Variants in CORIN observed in about 807,000 individuals in gnomAD.
The protein encoded by CORIN is atrial natriuretic peptide-converting enzyme.
In CORIN, 117 loss-of-function variants were observed where a neutral mutation model predicts 125.3. The observed-to-expected ratio is 0.93, with a 90% CI of 0.80 to 1.09. The LOEUF (loss-of-function observed/expected upper bound fraction) is 1.09. Ranked by LOEUF, CORIN falls within the 50% of genes least tolerant of loss-of-function variation. The probability of loss-of-function intolerance (pLI) is 0.00; values close to 1 mark genes in which losing one functional copy is unlikely to be tolerated. For synonymous variants in CORIN, 450 were observed against 466.4 expected (o/e 0.96, Z 0.45); for missense variants, 1,253 against 1,306.7 (o/e 0.96, Z 0.63).
chr4:47,606,084 C>G (rs553421352), intron 19 of CORIN, among the ~76,000 whole-genome samples: 5 of 152,214 alleles, frequency 3.3e-5, no homozygotes, highest in African/African-American at 1.2e-4. Context: ...GCAATTTTCT[C>G]TATGCCAAGC....
chr4:47,815,682 T>C lies in CORIN; in HGVS notation c.64-8635A>G, dbSNP rs181638858. On this transcript the variant is annotated intron_variant, in intron 1 of 21. Transcript: ENST00000273857. ...ATACAATATCAGAACTCTTTCTGCA[T>C]ATATTGGAGAGTCTTAAAGGTCAGT... 3.4e-4 allele frequency among the ~76,000 whole-genome samples: 52 copies of C among 152,294 alleles called. No individual in the cohort carries two copies. The East Asian group carries it at 7.7e-3, about 23-fold the overall frequency.
chr4:47,786,898 G>T lies in CORIN; in HGVS notation c.236C>A (p.Ser79Ter). ...VGTLQKVYFK[S>*]NGSEPLVTDG... is the part of the protein sequence containing the mutation. ...AGTGACCAAAGGTTCACTCCCATTTGATTTAAAATAGACCTTTTGTAATGT... is the reference window on the plus strand; with the variant it reads ...AGTGACCAAAGGTTCACTCCCATTTTATTTAAAATAGACCTTTTGTAATGT... Residue 79 changes from serine to a stop codon, truncating the protein, a stop_gained, in exon 3 of 22, where the codon TCA becomes TAA. Transcript: ENST00000273857. LOFTEE classifies it high-confidence loss of function. The T allele has an allele frequency of 6.2e-7, 1 of 1,612,932 alleles. No individual in the cohort carries two copies. Among genetic ancestry groups the T allele is most frequent in the South Asian group, 1.1e-5 (1 of 91,010 alleles).
At chr4:47,815,183 T>G (rs931924117) in intron 1 of CORIN, among the ~76,000 whole-genome samples, 8 of 152,128 alleles carry the variant, frequency 5.3e-5, no homozygotes, top group African/African-American at 1.9e-4. Context: ...TATCTCCGTA[T>G]CTGCAAATAA....
intron 4 of CORIN, among the ~76,000 whole-genome samples, chr4:47,755,436 T>C (rs78911825): frequency 0.017 from 2,601 of 152,300 alleles, 38 homozygotes; most frequent in East Asian, 0.062. Flanking sequence ...TTCTCATCAG[T>C]ATCCTCTACA....
chr4:47,783,046 C>A (rs968025617), intron 3 of CORIN, among the ~76,000 whole-genome samples: 12 of 151,990 alleles, frequency 7.9e-5, no homozygotes, highest in African/African-American at 2.9e-4. Context: ...AAGCTTTCAG[C>A]ACATCAATTT....
In CORIN at chr4:47,642,064, GA is replaced by G; in HGVS notation, c.2069-16del. 1 of 1,610,334 alleles carries G rather than the reference GA, an allele frequency of 6.2e-7. No homozygotes were observed. Among genetic ancestry groups the G allele is most frequent in the Non-Finnish European group, 8.5e-7 (1 of 1,178,474 alleles). ...AGAGAGGGTCACTAGGGAAAGAAAA[GA>G]CAAGGGAAACCCTAATTAAAAACAT... On this transcript the variant is annotated splice_polypyrimidine_tract_variant and intron_variant, in intron 15 of 21. Coordinates refer to ENST00000273857, the MANE Select transcript of CORIN (RefSeq NM_006587.4).
intron 5 of CORIN, among the ~76,000 whole-genome samples, chr4:47,696,201 A>G (rs911057715): frequency 1.3e-5 from 2 of 152,204 alleles, no homozygotes; most frequent in African/African-American, 4.8e-5. Flanking sequence ...TCTACCATAA[A>G]TATCACTGTC....
At chr4:47,772,900 G>A (rs1241357252) in intron 3 of CORIN, among the ~76,000 whole-genome samples, 1 of 151,800 alleles carries the variant, frequency 6.6e-6, no homozygotes, top group Non-Finnish European at 1.5e-5. Context: ...TTTTTCTTCT[G>A]GATTCTATAA....
rs755718383 is a variant in CORIN, at chr4:47,664,985, T to C, written c.1589+47A>G. ...CTCAACTAAGTCTTCACCCCTTGGTTCTCTCTGAGGCAAAATAAGGGACTG... is the reference window on the plus strand; with the variant it reads ...CTCAACTAAGTCTTCACCCCTTGGTCCTCTCTGAGGCAAAATAAGGGACTG... On this transcript the variant is annotated intron_variant, in intron 11 of 21. Transcript: ENST00000273857. The C allele has an allele frequency of 2.1e-4, 284 of 1,355,692 alleles. 1 individual carries two copies. The highest frequency in any genetic ancestry group is 1.3e-5 in the Non-Finnish European group (12 of 955,960). 84.0% of individuals were successfully genotyped at this position (1,355,692 alleles called of 1,614,324 possible).
At chr4:47,665,907 G>A (rs1560496180) in intron 10 of CORIN, among the ~76,000 whole-genome samples, 1 of 152,182 alleles carries the variant, frequency 6.6e-6, no homozygotes, top group East Asian at 1.9e-4. Flanking sequence ...TATCTCTGCT[G>A]TAATAAATTC....
chr4:47,639,585 C>T (rs910851278), intron 16 of CORIN, among the ~76,000 whole-genome samples: 11 of 152,218 alleles, frequency 7.2e-5, no homozygotes, highest in Non-Finnish European at 1.5e-4. Context: ...CTGGCATAAA[C>T]TCCACTCCAG....
At chr4:47,795,852 A>G (rs368901618) in intron 2 of CORIN, among the ~76,000 whole-genome samples, 42 of 152,254 alleles carry the variant, frequency 2.8e-4, no homozygotes, top group African/African-American at 9.9e-4. Context: ...GTAGCCAGTA[A>G]GTATATGAGA....
chr4:47,751,598 A>C (rs1159816383), intron 4 of CORIN, among the ~76,000 whole-genome samples: 1 of 152,122 alleles, frequency 6.6e-6, no homozygotes, highest in Admixed American at 6.6e-5. Flanking sequence ...CTCCAAAATT[A>C]ATTTCAGCAG....
chr4:47,736,382 A>G (rs1442308331), intron 5 of CORIN, among the ~76,000 whole-genome samples: 1 of 152,220 alleles, frequency 6.6e-6, no homozygotes. Flanking sequence ...CAGATAAAAC[A>G]CAAGAAACAT....
intron 2 of CORIN, 27 bp downstream of exon 2, chr4:47,806,876 T>C (rs1291063531): frequency 6.3e-7 from 1 of 1,588,706 alleles, no homozygotes; most frequent in Non-Finnish European, 8.5e-7. Flanking sequence ...TTTAACTTCA[T>C]TTTTATTTAA....
At chr4:47,806,578 T>C (rs1731806440) in intron 2 of CORIN, among the ~76,000 whole-genome samples, 1 of 152,214 alleles carries the variant, frequency 6.6e-6, no homozygotes, top group South Asian at 2.1e-4. Flanking sequence ...CCTTGTGTGA[T>C]AATCATCACT....
chr4:47,617,117 C>CAA (rs781129769), intron 19 of CORIN, among the ~76,000 whole-genome samples: 1 of 152,050 alleles, frequency 6.6e-6, no homozygotes, highest in Non-Finnish European at 1.5e-5. Flanking sequence ...TAAAGGATGA[C>CAA]AAAGATTTGG....
At chr4:47,654,047 C>T (rs1171032680) in intron 12 of CORIN, among the ~76,000 whole-genome samples, 1 of 152,170 alleles carries the variant, frequency 6.6e-6, no homozygotes, top group Non-Finnish European at 1.5e-5. Flanking sequence ...CATTTCTGTA[C>T]TTAATGATCC....
At chr4:47,666,888 GAC>G (rs1724507650) in intron 10 of CORIN, among the ~76,000 whole-genome samples, 1 of 152,166 alleles carries the variant, frequency 6.6e-6, no homozygotes. Context: ...AACATACTAA[GAC>G]AGACATATTG....
Sources: allele counts gnomAD v4.1 joint callset (sites outside exome capture counted in the v4.1 genomes callset), GRCh38; gene constraint gnomAD v4.1.1; transcripts MANE v1.5; gene names NCBI Gene and HGNC (gene_info 2026-07-23, HGNC 2026-07-21).